Variants in CDK12 observed in about 807,000 individuals in gnomAD.
The protein encoded by CDK12 is cyclin-dependent kinase 12.
Under a neutral mutation model 133.8 loss-of-function variants are expected in CDK12, and 17 were observed. The observed-to-expected ratio is 0.13, with a 90% confidence interval of 0.09 to 0.19. The LOEUF (loss-of-function observed/expected upper bound fraction) is 0.19. Among genes scored for constraint, CDK12 ranks in the 10% least tolerant of loss-of-function variants. The pLI, the probability that CDK12 is intolerant of heterozygous loss-of-function variation, is 1.00. For synonymous variants in CDK12, 694 were observed against 683.6 expected (o/e 1.02, Z -0.24); for missense variants, 1,508 against 1,818.7 (o/e 0.83, Z 3.11).
chr17:39,551,567 G>T (rs73985205), intron 2 of CDK12, among the ~76,000 whole-genome samples: 104 of 152,254 alleles, frequency 6.8e-4, no homozygotes, highest in African/African-American at 2.4e-3. Context: ...CAACAAATGT[G>T]TTAAGGAGTA....
At chr17:39,530,148 T>C (rs534217640) in intron 13 of CDK12, 1 of 155,042 alleles carries the variant, frequency 6.4e-6, no homozygotes, top group African/African-American at 2.4e-5. Flanking sequence ...TTCTGTAAAA[T>C]GTGTTAGCCA....
At chr17:39,547,295 C>T (rs918022013), upstream of CDK12, among the ~76,000 whole-genome samples, 3 of 152,056 alleles carry the variant, frequency 2.0e-5, no homozygotes, top group East Asian at 1.9e-4. Flanking sequence ...GCCACTATGC[C>T]AGGCTAATTT....
chr17:39,494,702 C>G lies in CDK12; in HGVS notation c.2419+8C>G, dbSNP rs1598042299. On this transcript the variant is annotated splice_region_variant and intron_variant, in intron 5 of 13. Coordinates refer to ENST00000447079, the MANE Select transcript of CDK12 (RefSeq NM_016507.4). Reference sequence around the variant, plus strand: ...ATTTCAAGAAGGACAAAGGTACTAGCAAAGAATCACATTTTTACAGGGTAG... The same window carrying G: ...ATTTCAAGAAGGACAAAGGTACTAGGAAAGAATCACATTTTTACAGGGTAG... 1 of 1,547,650 alleles carries G rather than the reference C, an allele frequency of 6.5e-7. No individual in the cohort carries two copies. Among genetic ancestry groups the G allele is most frequent in the Middle Eastern group, 1.7e-4 (1 of 5,924 alleles).
At chr17:39,535,395 A>G (rs1362688268), downstream of CDK12, among the ~76,000 whole-genome samples, 3 of 152,208 alleles carry the variant, frequency 2.0e-5, no homozygotes, top group Non-Finnish European at 1.5e-5. Flanking sequence ...CTGTTTTTGA[A>G]TCCTCAAAAG....
intron 3 of CDK12, among the ~76,000 whole-genome samples, chr17:39,560,785 A>C (rs1324791197): frequency 1.3e-5 from 2 of 152,214 alleles, no homozygotes; most frequent in Non-Finnish European, 2.9e-5. Context: ...AGGCCGAGGC[A>C]GGTGGATCAC....
Position 39,463,113 on chromosome 17 carries a change from C to G in CDK12, c.1042C>G (p.Pro348Ala). Residue 348 changes from proline to alanine, a missense_variant, in exon 1 of 14, where the codon CCC becomes GCC. Physicochemically the swap from Pro to Ala is conservative, Grantham distance 27. Around this residue, in one of 9 missense-constraint regions of CDK12, gnomAD observed 460 missense variants for 490.8 expected, o/e 0.94. Coordinates refer to ENST00000447079, the MANE Select transcript of CDK12 (RefSeq NM_016507.4). ...GCGGTCTCTGAGTCGGAGTCCACTC[C>G]CCAGGTGAGCTATTTGTCTAACAGT... The part of the protein sequence containing the change: ...SKRSLSRSPL[P>A]SRKSMKSRSR... The G allele has an allele frequency of 6.2e-7, 1 of 1,612,934 alleles. No homozygotes were observed. Among genetic ancestry groups the G allele is most frequent in the African/African-American group, 1.3e-5 (1 of 75,006 alleles).
intron 2 of CDK12, among the ~76,000 whole-genome samples, chr17:39,489,285 G>A (rs184555539): frequency 3.7e-4 from 56 of 151,934 alleles, no homozygotes; most frequent in Admixed American, 1.2e-3. Flanking sequence ...GCCCAGGCTG[G>A]TCTCGAACTC....
chr17:39,497,082 G>A (rs919694607), intron 5 of CDK12, among the ~76,000 whole-genome samples: 3 of 151,820 alleles, frequency 2.0e-5, no homozygotes, highest in Non-Finnish European at 4.4e-5. Context: ...ACAGGCGCAC[G>A]CCACCACGGC....
At chr17:39,468,810 T>A (rs11659003) in intron 1 of CDK12, among the ~76,000 whole-genome samples, 89,951 of 146,072 alleles carry the variant, frequency 0.62, 27,964 homozygotes, top group South Asian at 0.71. Context: ...TTAATTAATT[T>A]ATTTATTTAT....
At chr17:39,488,016 G>A (rs1332818625) in intron 2 of CDK12, among the ~76,000 whole-genome samples, 1 of 152,018 alleles carries the variant, frequency 6.6e-6, no homozygotes, top group Non-Finnish European at 1.5e-5. Flanking sequence ...CATCACTTGG[G>A]GAGGTCCAGG....
At position 39,533,269 on chromosome 17, in the gene CDK12, T is replaced by C. The variant is rs748735048; in HGVS notation, c.*1953T>C. ...GAGAGCCTTCTAGCTATTTTGGCAT[T>C]GATGGCTTTTTATACCAGTGTGTCC... On this transcript the variant is annotated 3_prime_UTR_variant, in exon 14 of 14. Coordinates refer to ENST00000447079, the MANE Select transcript of CDK12 (RefSeq NM_016507.4). 14 of 232,982 alleles carry C rather than the reference T, an allele frequency of 6.0e-5. No homozygotes were observed. Among genetic ancestry groups the C allele is most frequent in the Middle Eastern group, 1.2e-3 (1 of 804 alleles). 14.4% of individuals were successfully genotyped at this position (232,982 alleles called of 1,614,324 possible). A position where few individuals can be genotyped will look rare whatever the true frequency, so the allele number is the denominator to read the frequency against.
At chr17:39,480,278 T>G (rs957601138) in intron 2 of CDK12, among the ~76,000 whole-genome samples, 2 of 149,392 alleles carry the variant, frequency 1.3e-5, no homozygotes, top group Admixed American at 6.8e-5. Context: ...TTTTTTTTTT[T>G]TCCGAGACAG....
intron 3 of CDK12, among the ~76,000 whole-genome samples, chr17:39,563,414 C>T (rs1356861596): frequency 1.4e-5 from 2 of 145,262 alleles, no homozygotes; most frequent in Admixed American, 1.4e-4. Flanking sequence ...TCTCTTTTTA[C>T]TTGTTTCCAT....
chr17:39,550,555 G>T (rs2055912842), intron 1 of CDK12: 1 of 152,238 alleles, frequency 6.6e-6, no homozygotes, highest in Non-Finnish European at 1.5e-5. Flanking sequence ...GTAGAGAGAA[G>T]ACAAGAGCTA....
At chr17:39,546,564 G>T (rs1025679219), upstream of CDK12, 1 of 152,156 alleles carries the variant, frequency 6.6e-6, no homozygotes, top group African/African-American at 2.4e-5. Context: ...TCAAGATAGG[G>T]CAGTTCTGTC....
Position 39,471,139 on chromosome 17 carries a change from A to C in CDK12, c.1307A>C (p.Glu436Ala). Residue 436 changes from glutamate (E) to alanine (A), a missense_variant, in exon 2 of 14, where the codon GAG becomes GCG. Physicochemically the swap from Glu to Ala is moderately radical, Grantham distance 107 (BLOSUM62 -1). This residue lies in a region of CDK12 where 347 missense variants were observed against 330.8 expected (regional missense o/e 1.05). Transcript: ENST00000447079. ...CCTAGAAAAGAGAACAGTTCAGTAG[A>C]GGCTAAGGATTCAGGTTTGGAGTCT... Reference protein sequence around the residue: ...FLPRKENSSVEAKDSGLESKK... With the variant: ...FLPRKENSSVAAKDSGLESKK... 3 of 1,590,786 alleles carry C rather than the reference A, an allele frequency of 1.9e-6. No individual in the cohort carries two copies. Among genetic ancestry groups the C allele is most frequent in the Non-Finnish European group, 2.6e-6 (3 of 1,172,428 alleles).
At chr17:39,540,701 A>G (rs1044595974) in intron 1 of CDK12, among the ~76,000 whole-genome samples, 2 of 151,702 alleles carry the variant, frequency 1.3e-5, no homozygotes, top group Admixed American at 6.6e-5. Flanking sequence ...CTGCTCCCAG[A>G]GCCATAAAGT....
At position 39,526,047 on chromosome 17, in the gene CDK12, C is replaced by A. The variant is rs762780789; in HGVS notation, c.3491C>A (p.Thr1164Asn). The change falls in exon 13 of 14, where the codon ACT (threonine) becomes AAT (asparagine). Residue 1164 changes from threonine to asparagine, a missense_variant. This residue lies in a region of CDK12 where 399 missense variants were observed against 469.6 expected (regional missense o/e 0.85). Coordinates refer to ENST00000447079, the MANE Select transcript of CDK12 (RefSeq NM_016507.4). Reference sequence around the variant, plus strand: ...TCCATCAGTGCCCTGACGGAAGCTACTTCCCAGCAGCAGGACTCAGAGACC... The same window carrying A: ...TCCATCAGTGCCCTGACGGAAGCTAATTCCCAGCAGCAGGACTCAGAGACC... ...NQSISALTEA[T>N]SQQQDSETMA... is the part of the protein sequence containing the mutation. The A allele has an allele frequency of 6.2e-7, 1 of 1,614,240 alleles. No homozygotes were observed. Among genetic ancestry groups the A allele is most frequent in the Admixed American group, 1.7e-5 (1 of 60,030 alleles).
intron 2 of CDK12, among the ~76,000 whole-genome samples, chr17:39,476,839 A>G (rs144865229): frequency 1.4e-5 from 2 of 147,326 alleles, no homozygotes; most frequent in East Asian, 4.0e-4. Context: ...CTCCTGCCTT[A>G]GCCTCCTGAG....
Sources: gnomAD v4.1 joint callset for allele counts (sites outside exome capture counted in the v4.1 genomes callset) on GRCh38, gnomAD v4.1.1 for gene constraint, gnomAD v4.1.1 regional missense constraint, MANE v1.5 for transcripts, NCBI Gene and HGNC (gene_info 2026-07-23, HGNC 2026-07-21) for gene names.